The following RAPGEF1 variants were observed in gnomAD, a reference collection of about 807,000 sequenced individuals.
RAPGEF1 encodes the protein Rap guanine nucleotide exchange factor 1, also known as CRK SH3-binding GNRP.
RAPGEF1 carries 33 observed loss-of-function variants against 143.3 expected under a neutral mutation model. That is an observed-to-expected ratio of 0.23 (90% CI 0.17 to 0.31). The LOEUF (loss-of-function observed/expected upper bound fraction) is 0.31, where lower values mean the gene tolerates loss of function less well. Ranked by LOEUF, RAPGEF1 falls within the 10% of genes least tolerant of loss-of-function variation. The pLI is 1.00. For missense variants in RAPGEF1, 1,199 were observed against 1,645.4 expected (o/e 0.73, Z 4.69); for synonymous variants, 629 against 676.5 (o/e 0.93, Z 1.09).
intron 1 of RAPGEF1, among the ~76,000 whole-genome samples, chr9:131,697,196 G>GCTCC (rs3074097): frequency 0.62 from 93,295 of 151,572 alleles, 29,554 homozygotes; most frequent in African/African-American, 0.79. Context: ...ATCCCTTCTC[G>GCTCC]CTCCCTCCCT....
At chr9:131,654,258 T>A (rs1468826325) in intron 1 of RAPGEF1, among the ~76,000 whole-genome samples, 1 of 152,218 alleles carries the variant, frequency 6.6e-6, no homozygotes, top group East Asian at 1.9e-4. Flanking sequence ...AACTGTACCC[T>A]TTTTGAATGA....
chr9:131,727,128 A>G (rs1836731810), intron 1 of RAPGEF1, among the ~76,000 whole-genome samples: 1 of 152,176 alleles, frequency 6.6e-6, no homozygotes, highest in South Asian at 2.1e-4. Flanking sequence ...TCCACCCAGC[A>G]GCTTACAAGC....
rs1177557483 is a variant in RAPGEF1, at chr9:131,711,682, C to T, written c.61+28088G>A. Among the ~76,000 whole-genome samples the T allele has an allele frequency of 3.9e-5, 6 of 152,156 alleles. No individual in the cohort carries two copies. In the East Asian group the frequency reaches 5.8e-4, roughly 15 times the overall value. The stretch of plus-strand genomic sequence containing the variant: ...CCTTCATCACTTTTATAATTGTAGA[C>T]GGAAAATACATTAGCTTAGGTGGCA... On this transcript the variant is annotated intron_variant, in intron 1 of 26. Coordinates refer to ENST00000683357, the MANE Select transcript of RAPGEF1 (RefSeq NM_001377935.1).
At chr9:131,737,386 C>G in intron 1 of RAPGEF1, 20 of 1,613,818 alleles carry the variant, frequency 1.2e-5, no homozygotes, top group Non-Finnish European at 1.7e-5. Context: ...TTCCCGCACT[C>G]ATGACACCCC....
At chr9:131,692,484 T>C (rs1055875806) in intron 1 of RAPGEF1, among the ~76,000 whole-genome samples, 3 of 152,172 alleles carry the variant, frequency 2.0e-5, no homozygotes, top group African/African-American at 4.8e-5. Context: ...AGCTGGAGCT[T>C]GACAACTCCA....
At chr9:131,640,299 TAGG>T (rs1051353142) in intron 4 of RAPGEF1, among the ~76,000 whole-genome samples, 3 of 152,168 alleles carry the variant, frequency 2.0e-5, no homozygotes, top group African/African-American at 7.2e-5. Context: ...TGATGTGCTG[TAGG>T]AGGATTCCAC....
At chr9:131,674,271 C>T (rs1449218968) in intron 1 of RAPGEF1, among the ~76,000 whole-genome samples, 1 of 152,124 alleles carries the variant, frequency 6.6e-6, no homozygotes, top group African/African-American at 2.4e-5. Flanking sequence ...TTGTTAAAAT[C>T]GGGGGTGCTT....
chr9:131,627,471 C>A (rs1460163859), intron 9 of RAPGEF1, among the ~76,000 whole-genome samples: 1 of 152,174 alleles, frequency 6.6e-6, no homozygotes, highest in African/African-American at 2.4e-5. Flanking sequence ...TCTAAGCCCC[C>A]TGCCCAGCAG....
chr9:131,628,545 T>G lies in RAPGEF1; in HGVS notation c.1017+4A>C. 4.3e-6 allele frequency: 7 copies of G among 1,612,314 alleles called. No homozygotes were observed. The highest frequency in any genetic ancestry group is 5.9e-6 in the Non-Finnish European group (7 of 1,178,518). ...TCCCATGCAGGGAACAGGGGCTGCA[T>G]TACCTGCCTATTGATTCCAACAGGC... On this transcript the variant is annotated splice_donor_region_variant and intron_variant, in intron 8 of 26. Transcript: ENST00000683357. The surrounding 1 kb of genome is among the most constrained non-coding windows in gnomAD (Gnocchi z 5.7).
At chr9:131,708,404 T>A (rs1835246808) in intron 1 of RAPGEF1, among the ~76,000 whole-genome samples, 1 of 152,182 alleles carries the variant, frequency 6.6e-6, no homozygotes. Context: ...GTCAACAGAC[T>A]GTCCTGCACT....
rs147663496 is a variant in RAPGEF1 at position 131,675,854 on chromosome 9, C to T, written c.62-24905G>A. Among the ~76,000 whole-genome samples the T allele has an allele frequency of 3.9e-5, 6 of 152,118 alleles. No homozygotes were observed. The Middle Eastern group carries it at 0.01, about 264-fold the overall frequency. ...CAGAGAAAAGAACTAGGTGCAAAGT[C>T]ACAGCATGATTGGGAAACAGCCTGA... is the stretch of plus-strand genomic sequence containing the variant. On this transcript the variant is annotated intron_variant, in intron 1 of 26. Transcript: ENST00000683357. This position sits in a 1 kb window ranked among gnomAD's most constrained non-coding sequence, Gnocchi z 4.6.
In RAPGEF1 at chr9:131,626,201, C is replaced by T. The variant is rs376162862; in HGVS notation, c.1423G>A (p.Glu475Lys). The T allele has an allele frequency of 2.5e-5, 40 of 1,613,750 alleles. No homozygotes were observed. Among genetic ancestry groups the T allele is most frequent in the Non-Finnish European group, 3.1e-5 (37 of 1,179,830 alleles). The change falls in exon 10 of 27, where the codon GAG (glutamate) becomes AAG (lysine). Residue 475 changes from glutamate (E) to lysine (K), a missense_variant. Glu to Lys is a moderately conservative substitution (Grantham distance 56). Around this residue, in one of 6 missense-constraint regions of RAPGEF1, gnomAD observed 613 missense variants for 710.9 expected, o/e 0.86. Transcript: ENST00000683357. Reference sequence around the variant, plus strand: ...GAGGCTGCGCTCCTGCGCTTCTTCTCGGGGAGAGCAGGTGGCGTATCTGTC... The same window carrying T: ...GAGGCTGCGCTCCTGCGCTTCTTCTTGGGGAGAGCAGGTGGCGTATCTGTC... The part of the protein sequence containing the change: ...QQTDTPPALP[E>K]KKRRSAASQT...
At chr9:131,635,597 G>A (rs925907721) in intron 5 of RAPGEF1, among the ~76,000 whole-genome samples, 4 of 152,220 alleles carry the variant, frequency 2.6e-5, no homozygotes, top group African/African-American at 7.2e-5. Flanking sequence ...CACGCCACCA[G>A]GGCATGGGCT....
intron 1 of RAPGEF1, among the ~76,000 whole-genome samples, chr9:131,714,607 CA>C (rs1217638191): frequency 2.0e-5 from 3 of 151,912 alleles, no homozygotes; most frequent in African/African-American, 7.2e-5. Context: ...AGAATATAAA[CA>C]AAAGCGATGA....
At chr9:131,729,103 G>T (rs374948239) in intron 1 of RAPGEF1, among the ~76,000 whole-genome samples, 17 of 152,370 alleles carry the variant, frequency 1.1e-4, no homozygotes, top group African/African-American at 2.6e-4. Context: ...CAGGGTTGGG[G>T]AGGGGCACTG....
At chr9:131,717,132 C>T (rs943202094) in intron 1 of RAPGEF1, among the ~76,000 whole-genome samples, 25 of 152,232 alleles carry the variant, frequency 1.6e-4, no homozygotes, top group Non-Finnish European at 2.6e-4. Context: ...AAGACTCCAG[C>T]CCCTCTCCTG....
At chr9:131,683,116 G>A (rs932703894) in intron 1 of RAPGEF1, among the ~76,000 whole-genome samples, 4 of 152,190 alleles carry the variant, frequency 2.6e-5, no homozygotes, top group African/African-American at 9.7e-5. Context: ...ATTGGGGCAT[G>A]TCCCTGGTAT....
chr9:131,704,328 T>C (rs1236324783), intron 1 of RAPGEF1, among the ~76,000 whole-genome samples: 1 of 150,568 alleles, frequency 6.6e-6, no homozygotes, highest in African/African-American at 2.5e-5. Context: ...ATCCAAACAT[T>C]TCTAAATTTG....
At chr9:131,589,559 C>T (rs1326810051) in intron 19 of RAPGEF1, among the ~76,000 whole-genome samples, 1 of 152,236 alleles carries the variant, frequency 6.6e-6, no homozygotes, top group Non-Finnish European at 1.5e-5. Context: ...CCATTCCAGC[C>T]TCCACACAGC....
Sources: allele counts gnomAD v4.1 joint callset (sites outside exome capture counted in the v4.1 genomes callset), GRCh38; gene constraint gnomAD v4.1.1; regional missense constraint gnomAD v4.1.1; non-coding constraint Gnocchi (gnomAD v3.1); transcripts MANE v1.5; gene names NCBI Gene and HGNC (gene_info 2026-07-23, HGNC 2026-07-21).